Variants in PRSS3 observed in about 807,000 individuals in gnomAD.
The protein encoded by PRSS3 is serine protease 3.
Under a neutral mutation model 20.8 loss-of-function variants are expected in PRSS3, and 14 were observed. The observed-to-expected ratio is 0.67, with a 90% CI of 0.44 to 1.05. PRSS3 has a LOEUF of 1.05. Among genes scored for constraint, PRSS3 ranks in the 50% least tolerant of loss-of-function variants. PRSS3 has a pLI of 0.00. For missense variants in PRSS3, 237 were observed against 306.4 expected, an observed-to-expected ratio of 0.77 and a Z score of 1.69; for synonymous variants, 91 against 117.6, an observed-to-expected ratio of 0.77 and a Z score of 1.46.
At chr9:33,781,335 C>T (rs1824175870) in intron 1 of PRSS3, among the ~76,000 whole-genome samples, 1 of 152,332 alleles carries the variant, frequency 6.6e-6, no homozygotes, top group Non-Finnish European at 1.5e-5. Context: ...CTATGGAATA[C>T]TACACAGCCC....
chr9:33,758,045 C>T (rs2118767495), intron 1 of PRSS3, among the ~76,000 whole-genome samples: 1 of 152,258 alleles, frequency 6.6e-6, no homozygotes, highest in East Asian at 1.9e-4. Flanking sequence ...AGCCACAGTT[C>T]AGTTTGGATT....
chr9:33,797,706 C>T, intron 2 of PRSS3, 123 bp from the exon 3 acceptor site: 1 of 1,581,708 alleles, frequency 6.3e-7, no homozygotes, highest in Admixed American at 1.8e-5. Flanking sequence ...GCAATATGGC[C>T]ACACACCCCA....
intron 1 of PRSS3, among the ~76,000 whole-genome samples, chr9:33,769,401 G>C (rs376684383): frequency 1.4e-4 from 21 of 152,280 alleles, no homozygotes; most frequent in African/African-American, 4.8e-4. Context: ...GTTTTCCCAG[G>C]AACTTCTGTG....
At chr9:33,798,781 GC>G in intron 4 of PRSS3, 159 bp downstream of exon 4, 1 of 1,262,014 alleles carries the variant, frequency 7.9e-7, no homozygotes, top group South Asian at 1.4e-5. Flanking sequence ...TCCCTGCATT[GC>G]CCCCATGGAG....
At chr9:33,751,007 C>G (rs1293898081) in intron 1 of PRSS3, among the ~76,000 whole-genome samples, 1 of 152,082 alleles carries the variant, frequency 6.6e-6, no homozygotes, top group Non-Finnish European at 1.5e-5. Flanking sequence ...CACACTACTC[C>G]CACCGCCCCC....
chr9:33,786,110 C>T (rs1824399730), intron 1 of PRSS3: 1 of 313,470 alleles, frequency 3.2e-6, no homozygotes, highest in Admixed American at 4.5e-5. Flanking sequence ...AACTCAACCA[C>T]CTATTAGAGG....
intron 1 of PRSS3, among the ~76,000 whole-genome samples, chr9:33,774,614 T>C (rs1823840158): frequency 6.6e-6 from 1 of 152,132 alleles, no homozygotes; most frequent in South Asian, 2.1e-4. Flanking sequence ...AAATGAAGTA[T>C]AACGAGCTTG....
At chr9:33,752,604 A>G (rs574964786) in intron 1 of PRSS3, among the ~76,000 whole-genome samples, 38 of 152,344 alleles carry the variant, frequency 2.5e-4, no homozygotes, top group Admixed American at 3.3e-4. Flanking sequence ...ATTAGAGGCC[A>G]CAGGTGAGTG....
chr9:33,780,419 A>G (rs1162958891), intron 1 of PRSS3, among the ~76,000 whole-genome samples: 3 of 152,226 alleles, frequency 2.0e-5, no homozygotes, highest in African/African-American at 7.2e-5. Flanking sequence ...GGGAGTGCTA[A>G]ATATGGAATC....
chr9:33,782,301 C>T (rs1446279794), intron 1 of PRSS3, among the ~76,000 whole-genome samples: 1 of 152,166 alleles, frequency 6.6e-6, no homozygotes, highest in South Asian at 2.1e-4. Flanking sequence ...CTCTTGCTTA[C>T]ACTATTAAAG....
At chr9:33,769,093 AATG>A (rs1228853665) in intron 1 of PRSS3, among the ~76,000 whole-genome samples, 1 of 152,212 alleles carries the variant, frequency 6.6e-6, no homozygotes, top group African/African-American at 2.4e-5. Flanking sequence ...AGAACTTATA[AATG>A]ATGAACTTGG....
intron 1 of PRSS3, among the ~76,000 whole-genome samples, chr9:33,757,290 A>G (rs1822992708): frequency 6.6e-6 from 1 of 152,238 alleles, no homozygotes; most frequent in African/African-American, 2.4e-5. Context: ...CTCTTTGAAT[A>G]CATGTACAAC....
intron 1 of PRSS3, among the ~76,000 whole-genome samples, chr9:33,790,166 A>T (rs188183827): frequency 0.013 from 1,943 of 152,314 alleles, 20 homozygotes; most frequent in South Asian, 0.051. Flanking sequence ...TTAATTACAT[A>T]AAAAATTTGT....
At chr9:33,788,664 A>G (rs529287401) in intron 1 of PRSS3, among the ~76,000 whole-genome samples, 1 of 152,350 alleles carries the variant, frequency 6.6e-6, no homozygotes, top group East Asian at 1.9e-4. Flanking sequence ...CAGTCTAACC[A>G]AGTATGGTTC....
chr9:33,790,413 G>A (rs1334491788), intron 1 of PRSS3, among the ~76,000 whole-genome samples: 1 of 152,144 alleles, frequency 6.6e-6, no homozygotes, highest in Non-Finnish European at 1.5e-5. Context: ...TAGGCTAGAT[G>A]ACAGGGTTAT....
intron 1 of PRSS3, among the ~76,000 whole-genome samples, chr9:33,785,070 C>G (rs1486658902): frequency 1.3e-5 from 2 of 149,824 alleles, no homozygotes; most frequent in African/African-American, 2.5e-5. Flanking sequence ...AAACTTAGCT[C>G]TACTCTTATG....
chr9:33,779,688 G>A (rs1450977457), intron 1 of PRSS3, among the ~76,000 whole-genome samples: 1 of 151,878 alleles, frequency 6.6e-6, no homozygotes, highest in Non-Finnish European at 1.5e-5. Flanking sequence ...CTAACATGGT[G>A]AAACCCCGTC....
At chr9:33,797,692 C>T (rs1186486599) in intron 2 of PRSS3, 137 bp from the exon 3 acceptor site, 7 of 1,543,490 alleles carry the variant, frequency 4.5e-6, no homozygotes, top group Non-Finnish European at 6.1e-6. Context: ...CCTCTCCTGC[C>T]CATGCAATAT....
At chr9:33,754,686 C>T (rs921141656) in intron 1 of PRSS3, among the ~76,000 whole-genome samples, 27 of 152,110 alleles carry the variant, frequency 1.8e-4, no homozygotes, top group African/African-American at 5.8e-4. Context: ...AAAAAATCAG[C>T]CAGGCATGCT....
Sources: allele counts gnomAD v4.1 joint callset (sites outside exome capture counted in the v4.1 genomes callset), GRCh38; gene constraint gnomAD v4.1.1; transcripts MANE v1.5; gene names NCBI Gene and HGNC (gene_info 2026-07-23, HGNC 2026-07-21).